Variants in SRPX observed in about 807,000 individuals in gnomAD.
SRPX encodes the protein sushi repeat containing protein X-linked, also known as sushi repeat-containing protein SRPX.
SRPX carries 24 observed loss-of-function variants against 38.1 expected under a neutral mutation model. The observed-to-expected ratio is 0.63, with a 90% CI of 0.46 to 0.89. SRPX has a LOEUF of 0.89. Among genes scored for constraint, SRPX ranks in the 40% least tolerant of loss-of-function variants. The pLI is 0.00. For missense variants in SRPX, 416 were observed against 377.8 expected (o/e 1.10, Z -0.84); for synonymous variants, 184 against 153.8 (o/e 1.20, Z -1.45).
At chrX:38,220,658 G>C in intron 1 of SRPX, 38 bp downstream of exon 1, 1 of 1,186,115 alleles carries the variant, frequency 8.4e-7, no homozygotes, top group South Asian at 1.8e-5. Flanking sequence ...GGGGTCTTTG[G>C]TGCCCAGCTG....
At chrX:38,180,853 TAAAG>T (rs1220215451) in intron 1 of SRPX, among the ~76,000 whole-genome samples, 1 of 112,014 alleles carries the variant, frequency 8.9e-6, no homozygotes, top group Admixed American at 9.5e-5. Context: ...GCTGAATGAA[TAAAG>T]AAAGAAGCAT....
intron 1 of SRPX, among the ~76,000 whole-genome samples, chrX:38,218,700 A>T (rs1939458121): frequency 8.9e-6 from 1 of 111,887 alleles, no homozygotes. Context: ...CTCTGAAATG[A>T]TCTTTAAAAT....
chrX:38,217,709 AG>A (rs1939442229), intron 1 of SRPX, among the ~76,000 whole-genome samples: 1 of 112,025 alleles, frequency 8.9e-6, no homozygotes, highest in Non-Finnish European at 1.9e-5. Flanking sequence ...AGAGACCAAA[AG>A]TGAGAATGTT....
intron 1 of SRPX, among the ~76,000 whole-genome samples, chrX:38,189,287 C>T (rs1249889062): frequency 8.9e-6 from 1 of 111,951 alleles, no homozygotes; most frequent in African/African-American, 3.2e-5. Context: ...GCTGGGACAA[C>T]AGCAGTCAAG....
chrX:38,174,428 T>A (rs1926345543), intron 2 of SRPX, 77 bp from the exon 3 acceptor site: 1 of 870,092 alleles, frequency 1.1e-6, no homozygotes, highest in East Asian at 4.1e-5. Context: ...ACTCTTACTG[T>A]CCCAGGCTGG....
chrX:38,152,583 T>C (rs7890623), intron 9 of SRPX, among the ~76,000 whole-genome samples: 9,498 of 111,573 alleles, frequency 0.085, 331 homozygotes, highest in African/African-American at 0.11. Flanking sequence ...CTGATGGAGG[T>C]TAAAAATTTG....
chrX:38,189,480 CTTTG>C (rs1219514277), intron 1 of SRPX, among the ~76,000 whole-genome samples: 1 of 111,817 alleles, frequency 8.9e-6, no homozygotes. Context: ...CTCTTTGACA[CTTTG>C]TTTATGATTG....
Position 38,171,981 on chromosome X carries a change from C to T in SRPX, c.426G>A (p.Arg142=), listed in dbSNP as rs776507404. 1.7e-6 allele frequency: 2 copies of T among 1,208,426 alleles called. No homozygotes were observed. Among genetic ancestry groups the T allele is most frequent in the Non-Finnish European group, 2.2e-6 (2 of 894,443 alleles). ...ATCCTGGTGAACAATAATACTCACACCGGGAGTTAAAGTAGGCACCATCTA... is the reference window on the plus strand; with the variant it reads ...ATCCTGGTGAACAATAATACTCACATCGGGAGTTAAAGTAGGCACCATCTA... ...KCVDGAYFNS[R]CEYYCSPGYT... Residue 142 remains arginine, a synonymous_variant, in exon 4 of 10, where the codon CGG becomes CGA. Transcript: ENST00000378533.
intron 4 of SRPX, among the ~76,000 whole-genome samples, chrX:38,168,597 C>T (rs1938404869): frequency 8.9e-6 from 1 of 112,142 alleles, no homozygotes. Flanking sequence ...ATCACTGATG[C>T]AAATATAAAA....
At chrX:38,218,862 C>T (rs1283441255) in intron 1 of SRPX, among the ~76,000 whole-genome samples, 1 of 111,643 alleles carries the variant, frequency 9.0e-6, no homozygotes, top group Non-Finnish European at 1.9e-5. Context: ...AGCACACTTC[C>T]CAAGAGACCC....
rs188815419 is a variant in SRPX, at chrX:38,195,491, C to T, written c.98-17147G>A. Reference sequence around the variant, plus strand: ...CAGAGCAATTAAAATATCTTTGATGCAAAGAGCTTGTTAGGTTTGTTTCTC... The same window carrying T: ...CAGAGCAATTAAAATATCTTTGATGTAAAGAGCTTGTTAGGTTTGTTTCTC... On this transcript the variant is annotated intron_variant, in intron 1 of 9. Transcript: ENST00000378533. 3.4e-3 allele frequency among the ~76,000 whole-genome samples: 363 copies of T among 108,212 alleles called. 1 individual carries two copies. Among genetic ancestry groups the T allele is most frequent in the African/African-American group, 0.012 (349 of 29,628 alleles). The allele number at this position is 108,212 out of a possible 115,157, so 94.0% of individuals were successfully genotyped here. A position where few individuals can be genotyped will look rare whatever the true frequency, so the allele number is the denominator to read the frequency against.
chrX:38,187,166 G>C (rs1569210598), intron 1 of SRPX, among the ~76,000 whole-genome samples: 1 of 111,766 alleles, frequency 8.9e-6, no homozygotes, highest in Non-Finnish European at 1.9e-5. Flanking sequence ...ATAAATTGAA[G>C]GCCTCCACAT....
chrX:38,178,463 G>A (rs754492292), intron 1 of SRPX, 119 bp from the exon 2 acceptor site: 4 of 532,085 alleles, frequency 7.5e-6, no homozygotes, highest in Non-Finnish European at 9.2e-6. Flanking sequence ...AGAGCCAAGA[G>A]CAAAAGCTTC....
intron 9 of SRPX, among the ~76,000 whole-genome samples, chrX:38,152,039 C>T (rs1359375807): frequency 2.7e-5 from 3 of 111,541 alleles, no homozygotes; most frequent in Non-Finnish European, 5.6e-5. Context: ...GGTTTTATCA[C>T]GGCCTTGGTG....
chrX:38,163,294 T>A (rs1039639585), intron 5 of SRPX, among the ~76,000 whole-genome samples: 1 of 112,235 alleles, frequency 8.9e-6, no homozygotes, highest in Non-Finnish European at 1.9e-5. Flanking sequence ...CACTAGAAAC[T>A]GTACTGTTAT....
At chrX:38,166,672 C>T (rs958226739) in intron 4 of SRPX, among the ~76,000 whole-genome samples, 1 of 111,677 alleles carries the variant, frequency 9.0e-6, no homozygotes, top group African/African-American at 3.3e-5. Flanking sequence ...ATAATGACTG[C>T]CCCCTGCTGG....
At chrX:38,161,602 C>A (rs1263211410) in intron 5 of SRPX, among the ~76,000 whole-genome samples, 1 of 111,717 alleles carries the variant, frequency 9.0e-6, no homozygotes, top group Admixed American at 9.5e-5. Context: ...ATAATAATGA[C>A]AAAAAGTGTT....
intron 5 of SRPX, among the ~76,000 whole-genome samples, chrX:38,162,330 C>T (rs144227254): frequency 0.01 from 1,142 of 111,519 alleles, 7 homozygotes; most frequent in Middle Eastern, 0.046. Context: ...AGGAGAAATG[C>T]CAGGGCAGCA....
intron 1 of SRPX, among the ~76,000 whole-genome samples, chrX:38,203,313 G>A (rs1939148807): frequency 8.9e-6 from 1 of 111,868 alleles, no homozygotes; most frequent in African/African-American, 3.3e-5. Context: ...TCTACAGAAA[G>A]CCCACAATTA....
Sources: allele counts gnomAD v4.1 joint callset (sites outside exome capture counted in the v4.1 genomes callset), GRCh38; gene constraint gnomAD v4.1.1; transcripts MANE v1.5; gene names NCBI Gene and HGNC (gene_info 2026-07-23, HGNC 2026-07-21).